Variants in KIF6 observed in about 807,000 individuals in gnomAD.
KIF6 encodes kinesin-like protein KIF6.
Under a neutral mutation model 112.7 loss-of-function variants are expected in KIF6, and 106 were observed. The observed-to-expected ratio is 0.94, with a 90% CI of 0.80 to 1.11. The LOEUF (loss-of-function observed/expected upper bound fraction) is 1.11, where lower values mean the gene tolerates loss of function less well. KIF6 is among the 50% of genes least tolerant of loss of function. The pLI is 0.00. For missense variants in KIF6, 929 were observed against 964.0 expected, an observed-to-expected ratio of 0.96 and a Z score of 0.48; for synonymous variants, 339 against 339.9, an observed-to-expected ratio of 1.00 and a Z score of 0.03.
intron 13 of KIF6, among the ~76,000 whole-genome samples, chr6:39,484,123 G>A (rs571959137): frequency 1.3e-5 from 2 of 152,232 alleles, no homozygotes; most frequent in South Asian, 4.1e-4. Flanking sequence ...CTCTGCATTC[G>A]CTACATACCA....
intron 13 of KIF6, among the ~76,000 whole-genome samples, chr6:39,434,645 G>C (rs905238769): frequency 6.6e-6 from 1 of 152,006 alleles, no homozygotes; most frequent in Non-Finnish European, 1.5e-5. Context: ...TACAATGGAG[G>C]TTGCTGCTTG....
intron 18 of KIF6, among the ~76,000 whole-genome samples, chr6:39,359,524 A>G: frequency 6.6e-6 from 1 of 152,200 alleles, no homozygotes; most frequent in Non-Finnish European, 1.5e-5. Flanking sequence ...AAAAGTAGCC[A>G]TGCTATACAA....
intron 3 of KIF6, among the ~76,000 whole-genome samples, chr6:39,671,442 T>C (rs1373474465): frequency 1.3e-5 from 2 of 152,186 alleles, no homozygotes; most frequent in African/African-American, 2.4e-5. Flanking sequence ...CGTGAGGGTA[T>C]TGGTGTGAGG....
chr6:39,364,941 T>A (rs969744011), intron 16 of KIF6, among the ~76,000 whole-genome samples: 16 of 152,248 alleles, frequency 1.1e-4, no homozygotes. Flanking sequence ...CCTATTAAGC[T>A]TGTGGTCAGT....
At chr6:39,582,559 G>A (rs1032210108) in intron 9 of KIF6, among the ~76,000 whole-genome samples, 2 of 152,018 alleles carry the variant, frequency 1.3e-5, no homozygotes, top group Non-Finnish European at 2.9e-5. Context: ...TTACAGGCAT[G>A]TACCTCCACG....
intron 15 of KIF6, among the ~76,000 whole-genome samples, chr6:39,394,612 G>T (rs1210787874): frequency 1.3e-5 from 2 of 152,210 alleles, no homozygotes; most frequent in Non-Finnish European, 2.9e-5. Flanking sequence ...TTCTTCCCTT[G>T]TTGAGGTCAG....
chr6:39,337,215 C>CTTTCTTTCTTTCTTTCTTTCTTTCT (rs1763058056), intron 22 of KIF6, among the ~76,000 whole-genome samples: 1 of 94,950 alleles, frequency 1.1e-5, no homozygotes, highest in Admixed American at 1.1e-4. Context: ...TTCTTTCTTT[C>CTTTCTTTCTTTCTTTCTTTCTTTCT]TTTCTTTCTT....
chr6:39,613,146 C>A, intron 6 of KIF6, 43 bp downstream of exon 6: 1 of 1,463,998 alleles, frequency 6.8e-7, no homozygotes, highest in South Asian at 1.5e-5. Flanking sequence ...GATACTGTAT[C>A]TTATAATGTT....
rs187292514 is a variant in KIF6, at chr6:39,591,904, A to G, written c.846+4150T>C. Among the ~76,000 whole-genome samples the G allele has an allele frequency of 7.7e-3, 1,177 of 152,196 alleles. 19 individuals carry two copies. Among genetic ancestry groups the G allele is most frequent in the African/African-American group, 0.027 (1,119 of 41,520 alleles). ...GAGGCGGGCGGATCACGAGGTCAGG[A>G]GATGGAGACCATCCTGGCTAACATG... On this transcript the variant is annotated intron_variant, in intron 7 of 22. Transcript: ENST00000287152.
intron 3 of KIF6, among the ~76,000 whole-genome samples, chr6:39,676,851 A>AG (rs1416167614): frequency 3.3e-5 from 5 of 152,106 alleles, no homozygotes; most frequent in Non-Finnish European, 7.4e-5. Context: ...AAAAAGGCAC[A>AG]GAAAAAAAGG....
At chr6:39,419,296 G>A (rs937198847) in intron 15 of KIF6, among the ~76,000 whole-genome samples, 6 of 147,532 alleles carry the variant, frequency 4.1e-5, no homozygotes, top group Non-Finnish European at 8.9e-5. Context: ...GGAGGTTGCA[G>A]TGAGCTGAGA....
At chr6:39,418,040 C>A (rs929519084) in intron 15 of KIF6, among the ~76,000 whole-genome samples, 1 of 118,988 alleles carries the variant, frequency 8.4e-6, no homozygotes, top group South Asian at 3.8e-4. Flanking sequence ...ACTATCACTG[C>A]CCACTGTCTG....
chr6:39,456,856 C>T (rs938717544), intron 13 of KIF6, among the ~76,000 whole-genome samples: 1 of 149,750 alleles, frequency 6.7e-6, no homozygotes, highest in African/African-American at 2.5e-5. Context: ...TACAGGAGCA[C>T]CCAGATTCAT....
intron 3 of KIF6, among the ~76,000 whole-genome samples, chr6:39,672,230 T>C (rs1241684974): frequency 1.3e-5 from 2 of 152,114 alleles, no homozygotes; most frequent in African/African-American, 2.4e-5. Context: ...GATCCTTCTG[T>C]CTCAGCCTTC....
chr6:39,477,927 A>G (rs1774532383), intron 13 of KIF6, among the ~76,000 whole-genome samples: 1 of 152,204 alleles, frequency 6.6e-6, no homozygotes, highest in Non-Finnish European at 1.5e-5. Flanking sequence ...ACAACATGAT[A>G]TCATGGGATA....
chr6:39,673,602 T>G (rs1277525240), intron 3 of KIF6, among the ~76,000 whole-genome samples: 1 of 152,110 alleles, frequency 6.6e-6, no homozygotes, highest in African/African-American at 2.4e-5. Context: ...AAGACTAAGA[T>G]TAATGTCAGA....
intron 15 of KIF6, among the ~76,000 whole-genome samples, chr6:39,412,963 T>G (rs1156402039): frequency 1.3e-5 from 1 of 76,624 alleles, no homozygotes; most frequent in Non-Finnish European, 4.0e-5. Context: ...CATGATAACC[T>G]TATTTTGGAA....
intron 13 of KIF6, among the ~76,000 whole-genome samples, chr6:39,515,376 C>T (rs1252079452): frequency 6.6e-6 from 1 of 152,212 alleles, no homozygotes; most frequent in African/African-American, 2.4e-5. Context: ...GGCATTTGAT[C>T]TGTACCCACA....
intron 16 of KIF6, among the ~76,000 whole-genome samples, chr6:39,382,802 C>A (rs983813653): frequency 6.6e-6 from 1 of 151,764 alleles, no homozygotes; most frequent in African/African-American, 2.4e-5. Flanking sequence ...ATAAATATAC[C>A]CTTTTCTGTG....
Sources: allele counts gnomAD v4.1 joint callset (sites outside exome capture counted in the v4.1 genomes callset), GRCh38; gene constraint gnomAD v4.1.1; transcripts MANE v1.5; gene names NCBI Gene and HGNC (gene_info 2026-07-23, HGNC 2026-07-21).